The following OR6N1 variants were observed in gnomAD, a reference collection of about 807,000 sequenced individuals.
The protein encoded by OR6N1 is olfactory receptor 6N1.
For synonymous variants in OR6N1, 170 were observed against 150.7 expected (o/e 1.13, Z -0.94); for missense variants, 394 against 371.7 (o/e 1.06, Z -0.49).
the OR6N1 span, among the ~76,000 whole-genome samples, chr1:158,803,003 T>A: frequency 1.3e-5 from 2 of 152,204 alleles, no homozygotes; most frequent in Admixed American, 6.5e-5. Flanking sequence ...CATTTATCTA[T>A]CAGAAGTAAG....
chr1:158,821,289 A>G, the OR6N1 span, among the ~76,000 whole-genome samples: 7 of 152,180 alleles, frequency 4.6e-5, no homozygotes, highest in East Asian at 1.9e-4. Flanking sequence ...ATTTGTTACA[A>G]TCAATGAACA....
At chr1:158,804,903 A>T in the OR6N1 span, among the ~76,000 whole-genome samples, 1 of 152,118 alleles carries the variant, frequency 6.6e-6, no homozygotes, top group African/African-American at 2.4e-5. Context: ...TTCCCTTAAG[A>T]TATTTATTAT....
At chr1:158,780,272 C>T in the OR6N1 span, among the ~76,000 whole-genome samples, 1 of 152,148 alleles carries the variant, frequency 6.6e-6, no homozygotes, top group East Asian at 1.9e-4. Context: ...TACAAGTTAG[C>T]TTTTCTGAAG....
At chr1:158,777,094 A>C, upstream of OR6N1, 1 of 1,614,218 alleles carries the variant, frequency 6.2e-7, no homozygotes, top group East Asian at 2.2e-5. Flanking sequence ...CAAAGGTGGA[A>C]AGTCACAGAA....
At chr1:158,820,191 C>G in the OR6N1 span, among the ~76,000 whole-genome samples, 12 of 152,220 alleles carry the variant, frequency 7.9e-5, no homozygotes, top group African/African-American at 2.7e-4. Context: ...AGCAGTTTTC[C>G]TCCCTGGGTG....
the OR6N1 span, among the ~76,000 whole-genome samples, chr1:158,799,935 G>C: frequency 1.3e-5 from 2 of 152,046 alleles, no homozygotes; most frequent in South Asian, 4.1e-4. Context: ...GCCTACATGT[G>C]TTGCATGGTG....
chr1:158,770,796 C>T (rs555755799), intron 1 of OR6N1, among the ~76,000 whole-genome samples: 2 of 152,294 alleles, frequency 1.3e-5, no homozygotes, highest in African/African-American at 2.4e-5. Context: ...GAATCCATAT[C>T]GCCACAAATG....
chr1:158,772,465 C>T (rs1279501403), upstream of OR6N1, among the ~76,000 whole-genome samples: 1 of 152,156 alleles, frequency 6.6e-6, no homozygotes, highest in African/African-American at 2.4e-5. Flanking sequence ...ATAACAATAA[C>T]TGGTGTGAAA....
chr1:158,823,793 T>A, the OR6N1 span, among the ~76,000 whole-genome samples: 1 of 152,132 alleles, frequency 6.6e-6, no homozygotes, highest in Non-Finnish European at 1.5e-5. Context: ...GTTCCTTTAG[T>A]TTTGATATTA....
At position 158,766,041 on chromosome 1, in the gene OR6N1, G is replaced by A. The variant is rs746942763; in HGVS notation, c.642C>T (p.Ile214=). 5 of 1,614,228 alleles carry A rather than the reference G, an allele frequency of 3.1e-6. No individual in the cohort carries two copies. The highest frequency in any genetic ancestry group is 2.2e-5 in the South Asian group (2 of 91,088). The change falls in exon 2 of 2, where the codon ATC becomes ATT. Residue 214 remains isoleucine (I), a synonymous_variant. Transcript: ENST00000641846. ...SCKILATFLL[I]LCSYVQIICT... ...AGATGATCTGCACATAGGAGCAGAGGATCAGCAGGAAGGTGGCTAGGATCT... is the reference window on the plus strand; with the variant it reads ...AGATGATCTGCACATAGGAGCAGAGAATCAGCAGGAAGGTGGCTAGGATCT...
At chr1:158,787,963 G>A in the OR6N1 span, among the ~76,000 whole-genome samples, 9,276 of 152,168 alleles carry the variant, frequency 0.061, 549 homozygotes, top group Admixed American at 0.13. Context: ...ACAGGATGAT[G>A]GCAGAGATAA....
In OR6N1 at chr1:158,764,386, T is replaced by C. The variant is rs1657188886; in HGVS notation, c.*1358A>G. On this transcript the variant is annotated 3_prime_UTR_variant, in exon 2 of 2. Coordinates refer to ENST00000641846, the MANE Select transcript of OR6N1 (RefSeq NM_001005185.2). Reference sequence around the variant, plus strand: ...AACTAATTATAAATTAATTATAATTTTAATATTTATATTCTCAACTCTTTT... The same window carrying C: ...AACTAATTATAAATTAATTATAATTCTAATATTTATATTCTCAACTCTTTT... 1 of 151,568 alleles carries C rather than the reference T, an allele frequency of 6.6e-6. No individual in the cohort carries two copies. Among genetic ancestry groups the C allele is most frequent in the South Asian group, 2.1e-4 (1 of 4,828 alleles). 9.4% of individuals were successfully genotyped at this position (151,568 alleles called of 1,614,324 possible).
the OR6N1 span, among the ~76,000 whole-genome samples, chr1:158,822,203 A>C: frequency 6.6e-6 from 1 of 152,164 alleles, no homozygotes; most frequent in Non-Finnish European, 1.5e-5. Context: ...TTTTGGTTCC[A>C]TATGAATTCT....
At chr1:158,809,970 G>A in the OR6N1 span, among the ~76,000 whole-genome samples, 1 of 152,110 alleles carries the variant, frequency 6.6e-6, no homozygotes, top group Non-Finnish European at 1.5e-5. Context: ...TCAAGAAGAA[G>A]CAAAGAAGCC....
At chr1:158,840,234 G>A in the OR6N1 span, among the ~76,000 whole-genome samples, 7 of 152,146 alleles carry the variant, frequency 4.6e-5, no homozygotes, top group Non-Finnish European at 1.0e-4. Context: ...AATAGCCACT[G>A]TATTAGTTCC....
the OR6N1 span, among the ~76,000 whole-genome samples, chr1:158,806,089 A>T: frequency 6.6e-6 from 1 of 152,182 alleles, no homozygotes. Flanking sequence ...ACCACAGGGA[A>T]AAAAGAGTTT....
At chr1:158,775,182 A>G (rs1657560913), upstream of OR6N1, 1 of 152,226 alleles carries the variant, frequency 6.6e-6, no homozygotes, top group South Asian at 2.1e-4. Flanking sequence ...AAGAGAAGCA[A>G]AACATACTTC....
chr1:158,789,320 T>C, the OR6N1 span, among the ~76,000 whole-genome samples: 4 of 152,330 alleles, frequency 2.6e-5, no homozygotes, highest in Middle Eastern at 3.4e-3. Flanking sequence ...AGTGCTGATA[T>C]CTCTTCAATA....
the OR6N1 span, among the ~76,000 whole-genome samples, chr1:158,822,622 GT>G: frequency 6.6e-6 from 1 of 152,116 alleles, no homozygotes; most frequent in African/African-American, 2.4e-5. Context: ...AGACTGTGTG[GT>G]TCTCTACGTA....
Sources: gnomAD v4.1 joint callset for allele counts (sites outside exome capture counted in the v4.1 genomes callset) on GRCh38, gnomAD v4.1.1 for gene constraint, MANE v1.5 for transcripts, NCBI Gene and HGNC (gene_info 2026-07-23, HGNC 2026-07-21) for gene names.